The following RERE variants were observed in gnomAD, a reference collection of about 807,000 sequenced individuals.
RERE encodes arginine-glutamic acid dipeptide repeats, also known as arginine-glutamic acid dipeptide repeats protein.
In RERE, 40 loss-of-function variants were observed where a neutral mutation model predicts 146.1. The observed-to-expected ratio is 0.27, with a 90% CI of 0.21 to 0.36. The LOEUF is 0.36. Ranked by LOEUF, RERE falls within the 10% of genes least tolerant of loss-of-function variation. RERE has a pLI of 1.00. For missense variants in RERE, 1,933 were observed against 2,138.7 expected, an observed-to-expected ratio of 0.90 and a Z score of 1.90; for synonymous variants, 1,003 against 866.0, an observed-to-expected ratio of 1.16 and a Z score of -2.78.
intron 12 of RERE, chr1:8,381,213 G>A (rs959162998): frequency 2.8e-6 from 1 of 351,998 alleles, no homozygotes; most frequent in Non-Finnish European, 5.6e-6. Flanking sequence ...GAGTCCTGCA[G>A]GATATCAAGT....
At chr1:8,793,272 A>G (rs535076241) in intron 1 of RERE, among the ~76,000 whole-genome samples, 1 of 152,180 alleles carries the variant, frequency 6.6e-6, no homozygotes, top group African/African-American at 2.4e-5. Context: ...GCTCACCTTC[A>G]TGACAGCTGT....
chr1:8,480,123 TTTTTG>T (rs1314375305), intron 10 of RERE, among the ~76,000 whole-genome samples: 15 of 47,290 alleles, frequency 3.2e-4, no homozygotes, highest in African/African-American at 1.9e-3. Context: ...TTAAAGCCTT[TTTTTG>T]TTTTTTTTTT....
At chr1:8,513,658 C>T (rs7520617) in intron 7 of RERE, among the ~76,000 whole-genome samples, 97,107 of 151,992 alleles carry the variant, frequency 0.64, 31,504 homozygotes, top group East Asian at 0.83. Flanking sequence ...TGCATGCTTG[C>T]AATCCCAGAT....
At chr1:8,679,124 G>C (rs1291997483) in intron 1 of RERE, among the ~76,000 whole-genome samples, 1 of 152,136 alleles carries the variant, frequency 6.6e-6, no homozygotes, top group Non-Finnish European at 1.5e-5. Context: ...CTGATCTAAA[G>C]CTAAATGTAT....
chr1:8,515,995 T>C (rs1570376677), intron 7 of RERE, among the ~76,000 whole-genome samples: 1 of 151,758 alleles, frequency 6.6e-6, no homozygotes, highest in African/African-American at 2.4e-5. Flanking sequence ...GGTGGGCAGG[T>C]TACCCGAGGT....
At chr1:8,392,871 T>C (rs1642931347) in intron 12 of RERE, among the ~76,000 whole-genome samples, 2 of 152,124 alleles carry the variant, frequency 1.3e-5, no homozygotes, top group African/African-American at 4.8e-5. Flanking sequence ...CGATACAGAG[T>C]GCTGCAGAGA....
At chr1:8,500,677 T>C (rs1645121802) in intron 8 of RERE, among the ~76,000 whole-genome samples, 1 of 148,050 alleles carries the variant, frequency 6.8e-6, no homozygotes, top group Non-Finnish European at 1.5e-5. Context: ...GCCCATCGTC[T>C]GGGATATGAG....
intron 1 of RERE, among the ~76,000 whole-genome samples, chr1:8,749,388 A>T (rs1392852941): frequency 6.6e-6 from 1 of 152,188 alleles, no homozygotes; most frequent in Non-Finnish European, 1.5e-5. Context: ...GGCACCAAAA[A>T]ATACATAAGT....
intron 10 of RERE, among the ~76,000 whole-genome samples, chr1:8,466,855 T>C (rs1025836831): frequency 1.1e-4 from 16 of 152,190 alleles, no homozygotes; most frequent in African/African-American, 3.6e-4. Context: ...CTCGCAAAGA[T>C]GCTCCAGACA....
intron 2 of RERE, among the ~76,000 whole-genome samples, chr1:8,634,165 G>A (rs1013896524): frequency 6.6e-6 from 1 of 152,010 alleles, no homozygotes; most frequent in Non-Finnish European, 1.5e-5. Flanking sequence ...CCATCCTCAC[G>A]CTGCTGCTAC....
At chr1:8,740,500 A>G (rs763821926) in intron 1 of RERE, among the ~76,000 whole-genome samples, 24 of 152,194 alleles carry the variant, frequency 1.6e-4, no homozygotes, top group Admixed American at 5.9e-4. Context: ...TTCAATAACA[A>G]ATCAGCCTTA....
At chr1:8,523,861 G>A (rs145854696) in intron 7 of RERE, among the ~76,000 whole-genome samples, 1,664 of 152,288 alleles carry the variant, frequency 0.011, 18 homozygotes, top group Middle Eastern at 0.037. Flanking sequence ...GAGCTGATTC[G>A]GCTGTGAGCA....
intron 11 of RERE, among the ~76,000 whole-genome samples, chr1:8,451,835 G>T (rs939114901): frequency 6.6e-6 from 1 of 152,080 alleles, no homozygotes; most frequent in Non-Finnish European, 1.5e-5. Flanking sequence ...TTTACAAGAC[G>T]TCCTCAGCCC....
intron 1 of RERE, among the ~76,000 whole-genome samples, chr1:8,659,866 ACT>A (rs1338884028): frequency 6.6e-6 from 1 of 152,194 alleles, no homozygotes; most frequent in Non-Finnish European, 1.5e-5. Context: ...AAAATCATAC[ACT>A]GTTTCTATTT....
At chr1:8,553,736 T>C (rs954364613) in intron 6 of RERE, among the ~76,000 whole-genome samples, 2 of 152,234 alleles carry the variant, frequency 1.3e-5, no homozygotes, top group Non-Finnish European at 2.9e-5. Flanking sequence ...ATTACCACTG[T>C]AGCACTCCAG....
chr1:8,500,259 T>A (rs1209099816), intron 8 of RERE, among the ~76,000 whole-genome samples: 1 of 152,244 alleles, frequency 6.6e-6, no homozygotes, highest in Non-Finnish European at 1.5e-5. Flanking sequence ...TAATGTCTGT[T>A]ATTAATCGAA....
intron 10 of RERE, among the ~76,000 whole-genome samples, chr1:8,468,564 G>A (rs1644635025): frequency 6.6e-6 from 1 of 152,184 alleles, no homozygotes; most frequent in African/African-American, 2.4e-5. Context: ...ACTTTTATAA[G>A]AGGTAATTAT....
intron 2 of RERE, among the ~76,000 whole-genome samples, chr1:8,626,167 T>C (rs1437387384): frequency 6.6e-6 from 1 of 152,194 alleles, no homozygotes; most frequent in Non-Finnish European, 1.5e-5. Context: ...TACTCCTACC[T>C]TGGTATTCAA....
At chr1:8,778,579 G>C (rs1641109746) in intron 1 of RERE, among the ~76,000 whole-genome samples, 2 of 152,180 alleles carry the variant, frequency 1.3e-5, no homozygotes, top group Non-Finnish European at 2.9e-5. Flanking sequence ...GCTCATAACT[G>C]TAATTCCAGC....
Sources: allele counts gnomAD v4.1 joint callset (sites outside exome capture counted in the v4.1 genomes callset), GRCh38; gene constraint gnomAD v4.1.1; transcripts MANE v1.5; gene names NCBI Gene and HGNC (gene_info 2026-07-23, HGNC 2026-07-21).